Variants in ELN observed in about 807,000 individuals in gnomAD.
ELN encodes elastin, also known as tropoelastin.
In ELN, 65 loss-of-function variants were observed where a neutral mutation model predicts 105.8. The observed-to-expected ratio is 0.61, with a 90% confidence interval of 0.50 to 0.75. The LOEUF (loss-of-function observed/expected upper bound fraction) is 0.75, where lower values mean the gene tolerates loss of function less well. Ranked by LOEUF, ELN falls within the 30% of genes least tolerant of loss-of-function variation. The pLI, the probability that ELN is intolerant of heterozygous loss-of-function variation, is 0.00. For synonymous variants in ELN, 368 were observed against 389.2 expected, an observed-to-expected ratio of 0.95 and a Z score of 0.64; for missense variants, 882 against 969.4, an observed-to-expected ratio of 0.91 and a Z score of 1.20.
Position 74,065,973 on chromosome 7 carries a change from G to C in ELN, c.2062G>C (p.Gly688Arg). 1.2e-6 allele frequency: 2 copies of C among 1,614,106 alleles called. No individual in the cohort carries two copies. Among genetic ancestry groups the C allele is most frequent in the Non-Finnish European group, 1.7e-6 (2 of 1,180,000 alleles). Reference sequence around the variant, plus strand: ...TGCTGGCCTTGGAGGTGTCCTAGGGGGTGCCGGGCAGTTCCCACTTGGAGG... The same window carrying C: ...TGCTGGCCTTGGAGGTGTCCTAGGGCGTGCCGGGCAGTTCCCACTTGGAGG... The part of the protein sequence containing the change: ...GAAGLGGVLG[G>R]AGQFPLGGVA... The change falls in exon 31 of 33, where the codon GGT becomes CGT. Residue 688 changes from glycine (G) to arginine (R), a missense_variant. Coordinates refer to ENST00000252034, the MANE Select transcript of ELN (RefSeq NM_000501.4).
At chr7:74,051,687 C>T in intron 15 of ELN, 63 bp from the exon 16 acceptor site, 1 of 1,586,856 alleles carries the variant, frequency 6.3e-7, no homozygotes. Context: ...GTCTAAGTGG[C>T]CATCCTGCCT....
In ELN at chr7:74,053,208, G is replaced by T. The variant is rs1554677322; in HGVS notation, c.995G>T (p.Gly332Val). ...CCTGGTGGGCCAGGCTTTGGCCCGG[G>T]AGTAGTTGGTGTCCCAGGAGCTGGC... is the stretch of plus-strand genomic sequence containing the variant. ...LVPGGPGFGP[G>V]VVGVPGAGVP... Residue 332 changes from glycine to valine, a missense_variant, in exon 18 of 33, where the codon GGA becomes GTA. By Grantham distance (109) the Gly-to-Val change is moderately radical. Coordinates refer to ENST00000252034, the MANE Select transcript of ELN (RefSeq NM_000501.4). The T allele has an allele frequency of 6.2e-7, 1 of 1,614,196 alleles. No individual in the cohort carries two copies. The highest frequency in any genetic ancestry group is 1.7e-5 in the Admixed American group (1 of 60,026).
At chr7:74,038,454 G>T (rs1308984552) in intron 4 of ELN, among the ~76,000 whole-genome samples, 1 of 152,256 alleles carries the variant, frequency 6.6e-6, no homozygotes, top group African/African-American at 2.4e-5. Flanking sequence ...AGACCACGGA[G>T]TTTTCCAGTA....
rs1554666528 is a variant in ELN, at chr7:74,037,733, A to G, written c.190A>G (p.Lys64Glu). 1 of 1,612,034 alleles carries G rather than the reference A, an allele frequency of 6.2e-7. No homozygotes were observed. Reference protein sequence around the residue: ...GALGPGGKPLKPVPGGLAGAG... With the variant: ...GALGPGGKPLEPVPGGLAGAG... ...GCTGGGGCCTGGAGGCAAACCTCTT[A>G]AGCCAGGTAAGACCCAAGGCCTCGG... The change falls in exon 4 of 33, where the codon AAG becomes GAG. Residue 64 changes from lysine (K) to glutamate (E), a missense_variant. Physicochemically the swap from Lys to Glu is moderately conservative, Grantham distance 56 (BLOSUM62 1). Coordinates refer to ENST00000252034, the MANE Select transcript of ELN (RefSeq NM_000501.4).
chr7:74,054,639 G>T lies in ELN; in HGVS notation c.1097-77G>T. ...AAGGAGATGGCCCAACACACAGATG[G>T]GTAGACAGAGGGATACATACTACAC... On this transcript the variant is annotated intron_variant, in intron 18 of 32. Transcript: ENST00000252034. 7.6e-6 allele frequency: 11 copies of T among 1,453,242 alleles called. No individual in the cohort carries two copies. The South Asian group carries it at 8.0e-5, about 11-fold the overall frequency. The allele number at this position is 1,453,242 out of a possible 1,614,324, so 90.0% of individuals were successfully genotyped here.
At chr7:74,064,151 G>T (rs1404745197) in intron 29 of ELN, among the ~76,000 whole-genome samples, 1 of 151,440 alleles carries the variant, frequency 6.6e-6, no homozygotes, top group South Asian at 2.1e-4. Context: ...AGGCATGGTG[G>T]CTCACGCCTG....
intron 2 of ELN, among the ~76,000 whole-genome samples, chr7:74,036,106 C>T (rs1271915774): frequency 6.6e-6 from 1 of 151,788 alleles, no homozygotes; most frequent in African/African-American, 2.4e-5. Context: ...CTGGCTAACA[C>T]GGTGAAACCC....
At chr7:74,035,270 T>C (rs1469452554) in intron 1 of ELN, 94 bp from the exon 2 acceptor site, 2 of 1,240,548 alleles carry the variant, frequency 1.6e-6, no homozygotes, top group African/African-American at 2.9e-5. Context: ...TTGTGGGTTT[T>C]GCCATTGAAA....
chr7:74,068,621 C>A (rs1554690535), intron 32 of ELN, 36 bp from the exon 33 acceptor site: 2 of 1,613,600 alleles, frequency 1.2e-6, no homozygotes, highest in Non-Finnish European at 8.5e-7. Flanking sequence ...CTGAGAGGGG[C>A]CGGACTCACA....
At chr7:74,037,683 C>A in intron 3 of ELN, 24 bp from the exon 4 acceptor site, 1 of 1,610,070 alleles carries the variant, frequency 6.2e-7, no homozygotes. Flanking sequence ...CCACCCCATT[C>A]ACTATCTTCT....
At chr7:74,043,239 C>T (rs1386122525) in intron 8 of ELN, 71 bp downstream of exon 8, 8 of 1,544,224 alleles carry the variant, frequency 5.2e-6, no homozygotes, top group Middle Eastern at 2.1e-4. Flanking sequence ...GAACAGAGCC[C>T]TCTCCATGCC....
At chr7:74,060,943 C>T (rs1554684065) in intron 25 of ELN, among the ~76,000 whole-genome samples, 158 bp from the exon 26 acceptor site, 1 of 152,160 alleles carries the variant, frequency 6.6e-6, no homozygotes, top group Non-Finnish European at 1.5e-5. Context: ...AAGGTGGAGG[C>T]ACTGTTCAGC....
At position 74,040,721 on chromosome 7, in the gene ELN, C is replaced by T. The variant is rs575864242; in HGVS notation, c.197-495C>T. 1.4e-4 allele frequency among the ~76,000 whole-genome samples: 22 copies of T among 152,238 alleles called. No individual in the cohort carries two copies. In the South Asian group the frequency reaches 2.3e-3, roughly 16 times the overall value. On this transcript the variant is annotated intron_variant, in intron 4 of 32. Transcript: ENST00000252034. ...GAGAGAGCCAGAGGGACCCATTTGG[C>T]GTCTCATAAACATCTTAGTAGGAGG...
chr7:74,045,199 C>G, intron 9 of ELN, 23 bp from the exon 10 acceptor site: 1 of 1,613,810 alleles, frequency 6.2e-7, no homozygotes, highest in East Asian at 2.2e-5. Flanking sequence ...CCTTCCTACA[C>G]TCACTGCTTT....
At chr7:74,034,140 G>A (rs1789359936) in intron 1 of ELN, among the ~76,000 whole-genome samples, 1 of 152,184 alleles carries the variant, frequency 6.6e-6, no homozygotes, top group Admixed American at 6.5e-5. Flanking sequence ...GTGTCAGACG[G>A]CCAGAGCCCC....
At chr7:74,041,308 C>G in intron 5 of ELN, 57 bp downstream of exon 5, 2 of 1,605,322 alleles carry the variant, frequency 1.2e-6, no homozygotes, top group Admixed American at 3.3e-5. Flanking sequence ...CTGAGCTCAA[C>G]CCAGGGCTGG....
chr7:74,065,853 T>C, intron 30 of ELN, 91 bp from the exon 31 acceptor site: 1 of 1,612,148 alleles, frequency 6.2e-7, no homozygotes. Flanking sequence ...AGATCTTGTC[T>C]GGGACATTCC....
chr7:74,051,594 G>T (rs1794045568), intron 15 of ELN, among the ~76,000 whole-genome samples, 156 bp from the exon 16 acceptor site: 1 of 152,156 alleles, frequency 6.6e-6, no homozygotes, highest in Admixed American at 6.5e-5. Flanking sequence ...CAGTGGAGTG[G>T]GGTGGGGGCC....
chr7:74,038,251 C>T (rs1318377561), intron 4 of ELN, among the ~76,000 whole-genome samples: 1 of 152,214 alleles, frequency 6.6e-6, no homozygotes, highest in Non-Finnish European at 1.5e-5. Context: ...GAGCACTGGT[C>T]TCAAGCCAAA....
Sources: allele counts gnomAD v4.1 joint callset (sites outside exome capture counted in the v4.1 genomes callset), GRCh38; gene constraint gnomAD v4.1.1; transcripts MANE v1.5; gene names NCBI Gene and HGNC (gene_info 2026-07-23, HGNC 2026-07-21).